GUCY2D: variants seen among roughly 807,000 people sequenced by gnomAD.
GUCY2D encodes retinal guanylyl cyclase 1.
A neutral mutation model predicts 101.3 loss-of-function variants in GUCY2D; 70 were observed. The observed-to-expected ratio is 0.69, with a 90% CI of 0.57 to 0.84. GUCY2D has a LOEUF of 0.84. Among genes scored for constraint, GUCY2D ranks in the 40% least tolerant of loss-of-function variants. GUCY2D has a pLI of 0.00. For synonymous variants in GUCY2D, 688 were observed against 670.7 expected (o/e 1.03, Z -0.40); for missense variants, 1,460 against 1,542.5 (o/e 0.95, Z 0.90).
rs1309171387 is a variant in GUCY2D, at chr17:8,015,511, C to T, written c.2944+9C>T. Reference sequence around the variant, plus strand: ...CATAGGCCTGCACTCGGGTAACTCCCGGGTCTTCCCAGGCTCCAGCCCATC... The same window carrying T: ...CATAGGCCTGCACTCGGGTAACTCCTGGGTCTTCCCAGGCTCCAGCCCATC... On this transcript the variant is annotated intron_variant, in intron 15 of 19. Coordinates refer to ENST00000254854, the MANE Select transcript of GUCY2D (RefSeq NM_000180.4). The T allele has an allele frequency of 3.7e-6, 6 of 1,607,632 alleles. No individual in the cohort carries two copies. The highest frequency in any genetic ancestry group is 1.3e-5 in the African/African-American group (1 of 74,822).
intron 19 of GUCY2D, 40 bp downstream of exon 19, chr17:8,016,594 C>T: frequency 9.8e-7 from 1 of 1,022,700 alleles, no homozygotes; most frequent in East Asian, 2.6e-5. Flanking sequence ...GCCGCGTCCC[C>T]TCTGCTGCCT....
At chr17:8,016,139 A>G in intron 17 of GUCY2D, 66 bp from the exon 18 acceptor site, 5 of 1,335,700 alleles carry the variant, frequency 3.7e-6, no homozygotes, top group Non-Finnish European at 5.3e-6. Flanking sequence ...AGTTCCACGC[A>G]GACTCGAGAT....
At chr17:8,008,516 G>T (rs988584543) in intron 7 of GUCY2D, among the ~76,000 whole-genome samples, 2 of 152,224 alleles carry the variant, frequency 1.3e-5, no homozygotes, top group Admixed American at 1.3e-4. Flanking sequence ...TCTGAATGCG[G>T]TCAAGTGGAG....
chr17:8,013,119 C>G lies in GUCY2D; in HGVS notation c.2130C>G (p.Ala710=), dbSNP rs760397638. The G allele has an allele frequency of 1.2e-6, 2 of 1,613,158 alleles. No homozygotes were observed. ...CATCCCCAGACCAGCTGTGGACAGC[C>G]CCGGAGCTGCTTAGGGACCCAGCCC... The part of the protein sequence containing the change: ...PPRAEDQLWT[A]PELLRDPALE... Residue 710 remains alanine, a synonymous_variant, in exon 11 of 20, where the codon GCC becomes GCG. Transcript: ENST00000254854. The surrounding 1 kb of genome is among the most constrained non-coding windows in gnomAD (Gnocchi z 5.0).
intron 3 of GUCY2D, among the ~76,000 whole-genome samples, chr17:8,005,087 C>T (rs949067501): frequency 3.3e-5 from 5 of 152,132 alleles, no homozygotes; most frequent in Admixed American, 6.5e-5. Context: ...GCCCAAACTG[C>T]GCAAGCCTCT....
In GUCY2D at chr17:8,012,245, G is replaced by A. The variant is rs754581545; in HGVS notation, c.1851G>A (p.Val617=). ...PAALWEGNLA[V]VSEHCTRGSL... is the part of the protein sequence containing the mutation. ...CCCTCTGGGAGGGCAACCTGGCTGT[G>A]GTCTCAGAGCACTGCACGCGGGGCT... The change falls in exon 9 of 20, where the codon GTG becomes GTA. Residue 617 remains valine, a synonymous_variant. Transcript: ENST00000254854. The A allele has an allele frequency of 1.3e-5, 21 of 1,613,826 alleles. No homozygotes were observed. The highest frequency in any genetic ancestry group is 2.7e-5 in the African/African-American group (2 of 74,900).
Position 8,012,497 on chromosome 17 carries a change from GTCAC to G in GUCY2D, c.2005_2008del (p.Ser669GlyfsTer4), listed in dbSNP as rs754841103. ...GAGGCGTGGCTCATGGGCGGCTGAA[GTCAC>G]GGAACTGCATAGTGGATGGCAGATT... is the stretch of plus-strand genomic sequence containing the variant. On this transcript the variant is annotated frameshift_variant, in exon 10 of 20. Coordinates refer to ENST00000254854, the MANE Select transcript of GUCY2D (RefSeq NM_000180.4). LOFTEE classifies it high-confidence loss of function. 18 of 1,614,124 alleles carry G rather than the reference GTCAC, an allele frequency of 1.1e-5. No homozygotes were observed. Among genetic ancestry groups the G allele is most frequent in the Non-Finnish European group, 1.5e-5 (18 of 1,180,006 alleles).
At chr17:8,017,746 G>T (rs752420414) in intron 19 of GUCY2D, among the ~76,000 whole-genome samples, 17 of 152,094 alleles carry the variant, frequency 1.1e-4, no homozygotes, top group Non-Finnish European at 2.4e-4. Context: ...GGAGTGCAGT[G>T]CAGTGACACA....
At chr17:8,008,517 TC>T (rs1975789115) in intron 7 of GUCY2D, among the ~76,000 whole-genome samples, 1 of 152,048 alleles carries the variant, frequency 6.6e-6, no homozygotes, top group South Asian at 2.1e-4. Flanking sequence ...CTGAATGCGG[TC>T]AAGTGGAGGG....
rs1425180720 is a variant in GUCY2D at position 8,007,840 on chromosome 17, TC to T, written c.1567-90del. The T allele has an allele frequency of 1.3e-5, 10 of 797,438 alleles. No individual in the cohort carries two copies. The African/African-American group carries it at 1.7e-4, about 13-fold the overall frequency. 49.4% of individuals were successfully genotyped at this position (797,438 alleles called of 1,614,324 possible). ...CTCATTGAGATTCCTTCGCCTCCCA[TC>T]TTTAAATCCCCAAAACTCAGCCTGA... On this transcript the variant is annotated intron_variant, in intron 6 of 19. Transcript: ENST00000254854.
Position 8,020,303 on chromosome 17 carries a change from T to A in GUCY2D, c.*200T>A, listed in dbSNP as rs1487477640. 3.3e-5 allele frequency: 5 copies of A among 152,110 alleles called. No homozygotes were observed. Among genetic ancestry groups the A allele is most frequent in the African/African-American group, 1.2e-4 (5 of 41,352 alleles). 9.4% of individuals were successfully genotyped at this position (152,110 alleles called of 1,614,324 possible). A position where few individuals can be genotyped will look rare whatever the true frequency, so the allele number is the denominator to read the frequency against. ...CAGGCCATGTGCCATGGTATTTGGG[T>A]CCTGGGAGGGTGGGTGAAATAAAGG... On this transcript the variant is annotated 3_prime_UTR_variant, in exon 20 of 20. Transcript: ENST00000254854.
chr17:8,016,808 C>T (rs1270190558), intron 19 of GUCY2D: 5 of 498,874 alleles, frequency 1.0e-5, no homozygotes, highest in Non-Finnish European at 1.8e-5. Flanking sequence ...GGCCCTATCT[C>T]ATCCCCAGTG....
At chr17:8,019,552 G>A (rs1976035133) in intron 19 of GUCY2D, among the ~76,000 whole-genome samples, 1 of 152,096 alleles carries the variant, frequency 6.6e-6, no homozygotes. Flanking sequence ...AGAAGAACTT[G>A]GGGAACCCCC....
intron 4 of GUCY2D, 98 bp from the exon 5 acceptor site, chr17:8,006,962 C>G (rs1022827943): frequency 9.8e-7 from 1 of 1,018,620 alleles, no homozygotes; most frequent in Non-Finnish European, 1.5e-6. Flanking sequence ...GGCCCCCATC[C>G]CCCTTTCCTG....
chr17:8,003,893 G>A lies in GUCY2D; in HGVS notation c.763G>A (p.Glu255Lys), dbSNP rs1975688438. The A allele has an allele frequency of 1.9e-6, 3 of 1,613,350 alleles. No individual in the cohort carries two copies. The highest frequency in any genetic ancestry group is 2.5e-6 in the Non-Finnish European group (3 of 1,179,850). The change falls in exon 3 of 20, where the codon GAG becomes AAG. Residue 255 changes from glutamate to lysine, a missense_variant. Glu to Lys is a moderately conservative substitution (Grantham distance 56). Around this residue, in one of 3 missense-constraint regions of GUCY2D, gnomAD observed 1,196 missense variants for 1,229.6 expected, o/e 0.97. Transcript: ENST00000254854. ...VMHSVLLGGE[E>K]QRYLLEAAEE... Reference sequence around the variant, plus strand: ...GCACTCGGTGCTGCTGGGTGGCGAGGAGCAGCGCTACCTCCTGGAGGCCGC... The same window carrying A: ...GCACTCGGTGCTGCTGGGTGGCGAGAAGCAGCGCTACCTCCTGGAGGCCGC...
In GUCY2D at chr17:8,007,979, A is replaced by G. The variant is rs61749753; in HGVS notation, c.1615A>G (p.Ile539Val). 1 of 1,613,980 alleles carries G rather than the reference A, an allele frequency of 6.2e-7. No homozygotes were observed. The highest frequency in any genetic ancestry group is 8.5e-7 in the Non-Finnish European group (1 of 1,179,894). ...TCTGGGTGCCCGCAGCATGTCAGACATTCGCAGCGGCCCCAGCCAACACTT... is the reference window on the plus strand; with the variant it reads ...TCTGGGTGCCCGCAGCATGTCAGACGTTCGCAGCGGCCCCAGCCAACACTT... The part of the protein sequence containing the change: ...SSLGARSMSD[I>V]RSGPSQHLDS... The change falls in exon 7 of 20, where the codon ATT (isoleucine) becomes GTT (valine). Residue 539 changes from isoleucine (I) to valine (V), a missense_variant. This residue lies in a region of GUCY2D where 1,196 missense variants were observed against 1,229.6 expected (regional missense o/e 0.97). Transcript: ENST00000254854.
rs769648456 is a variant in GUCY2D at position 8,013,600 on chromosome 17, A to G, written c.2264-280A>G. ...TTCTGCACAGGACTCTGAGCAAACT[A>G]CTTGATCACCTATCCCTCACTTGTC... is the stretch of plus-strand genomic sequence containing the variant. On this transcript the variant is annotated intron_variant, in intron 11 of 19. Coordinates refer to ENST00000254854, the MANE Select transcript of GUCY2D (RefSeq NM_000180.4). The surrounding 1 kb of genome is among the most constrained non-coding windows in gnomAD (Gnocchi z 5.0). 4.2e-5 allele frequency: 24 copies of G among 576,684 alleles called. No individual in the cohort carries two copies. Among genetic ancestry groups the G allele is most frequent in the Non-Finnish European group, 7.1e-5 (23 of 322,670 alleles). The allele number at this position is 576,684 out of a possible 1,614,324, so 35.7% of individuals were successfully genotyped here. A position where few individuals can be genotyped will look rare whatever the true frequency, so the allele number is the denominator to read the frequency against.
rs368958527 is a variant in GUCY2D, at chr17:8,013,975, T to G, written c.2359T>G (p.Cys787Gly). The G allele has an allele frequency of 1.7e-5, 27 of 1,613,728 alleles. No homozygotes were observed. The highest frequency in any genetic ancestry group is 2.1e-5 in the Non-Finnish European group (25 of 1,179,854). Residue 787 changes from cysteine (C) to glycine (G), a missense_variant, in exon 12 of 20, where the codon TGC becomes GGC. Transcript: ENST00000254854. The surrounding 1 kb of genome is among the most constrained non-coding windows in gnomAD (Gnocchi z 5.0). The part of the protein sequence containing the change: ...PVECILLMKQ[C>G]WAEQPELRPS... ...CGAGTGTATCCTCCTGATGAAGCAG[T>G]GCTGGGCAGAGCAGCCGGAACTTCG... is the stretch of plus-strand genomic sequence containing the variant.
At position 8,003,120 on chromosome 17, in the gene GUCY2D, T is replaced by TCCCTGCCCCGCCTCCCCCGGG. The variant is rs1567956884; in HGVS notation, c.84_104dup (p.Arg31_Pro37dup). On this transcript the variant is annotated inframe_insertion, in exon 2 of 20. Coordinates refer to ENST00000254854, the MANE Select transcript of GUCY2D (RefSeq NM_000180.4). ...CTGCGGTCCCGCGTGGTGGGCTCCG[T>TCCCTGCCCCGCCTCCCCCGGG]CCCTGCCCCGCCTCCCCCGGGCCCT... The TCCCTGCCCCGCCTCCCCCGGG allele has an allele frequency of 9.9e-6, 15 of 1,516,748 alleles. No homozygotes were observed. Among genetic ancestry groups the TCCCTGCCCCGCCTCCCCCGGG allele is most frequent in the East Asian group, 5.1e-5 (2 of 39,116 alleles). The allele number at this position is 1,516,748 out of a possible 1,614,324, so 94.0% of individuals were successfully genotyped here.
Sources: allele counts gnomAD v4.1 joint callset (sites outside exome capture counted in the v4.1 genomes callset), GRCh38; gene constraint gnomAD v4.1.1; regional missense constraint gnomAD v4.1.1; non-coding constraint Gnocchi (gnomAD v3.1); transcripts MANE v1.5; gene names NCBI Gene and HGNC (gene_info 2026-07-23, HGNC 2026-07-21).